Variants in BTBD7 observed in about 807,000 individuals in gnomAD.
BTBD7 encodes BTB/POZ domain-containing protein 7.
A neutral mutation model predicts 99.9 loss-of-function variants in BTBD7; 38 were observed. The observed-to-expected ratio is 0.38, with a 90% CI of 0.29 to 0.50. The LOEUF is 0.50. Ranked by LOEUF, BTBD7 falls within the 20% of genes least tolerant of loss-of-function variation. The pLI is 0.93. For missense variants in BTBD7, 1,170 were observed against 1,394.6 expected, an observed-to-expected ratio of 0.84 and a Z score of 2.57; for synonymous variants, 520 against 511.4, an observed-to-expected ratio of 1.02 and a Z score of -0.23.
At position 93,238,105 on chromosome 14, in the gene BTBD7, T is replaced by C. The variant is rs1046560189; in HGVS notation, c.*4168A>G. 6.6e-6 allele frequency: 1 copy of C among 152,566 alleles called. No individual in the cohort carries two copies. Among genetic ancestry groups the C allele is most frequent in the Admixed American group, 6.5e-5 (1 of 15,278 alleles). The allele number at this position is 152,566 out of a possible 1,614,324, so 9.5% of individuals were successfully genotyped here. On this transcript the variant is annotated 3_prime_UTR_variant, in exon 11 of 11. Coordinates refer to ENST00000334746, the MANE Select transcript of BTBD7 (RefSeq NM_001002860.4). ...TACAGATGATGAAGCTTCCAGAGCT[T>C]ATCTGATCTCTTAGACAGAACTCAC...
intron 1 of BTBD7, among the ~76,000 whole-genome samples, chr14:93,300,742 GTGTGTGTGTGT>G (rs1345406830): frequency 1.2e-5 from 1 of 85,466 alleles, no homozygotes; most frequent in African/African-American, 6.5e-5. Context: ...GTGTGTGTGT[GTGTGTGTGTGT>G]GTGTGTGTGT....
intron 5 of BTBD7, among the ~76,000 whole-genome samples, chr14:93,260,885 A>C (rs2052481487): frequency 6.6e-6 from 1 of 151,926 alleles, no homozygotes; most frequent in African/African-American, 2.4e-5. Flanking sequence ...TAAACAATGA[A>C]TGCTTTTTTA....
chr14:93,253,729 T>C lies in BTBD7; in HGVS notation c.1670A>G (p.Lys557Arg), dbSNP rs1408334219. 6.2e-7 allele frequency: 1 copy of C among 1,613,198 alleles called. No homozygotes were observed. Among genetic ancestry groups the C allele is most frequent in the Non-Finnish European group, 8.5e-7 (1 of 1,179,452 alleles). Residue 557 changes from lysine (K) to arginine (R), a missense_variant, in exon 7 of 11, where the codon AAG (lysine) becomes AGG (arginine). Around this residue, in one of 4 missense-constraint regions of BTBD7, gnomAD observed 309 missense variants for 342.0 expected, o/e 0.90. Transcript: ENST00000334746. ...TTTTTGCCGTAACCAGGCATTTGAC[T>C]TCCCACCTTCTGTTGTAGGAAGCAT... is the stretch of plus-strand genomic sequence containing the variant. ...SDMLPTTEGG[K>R]SNAWLRQKNA...
intron 3 of BTBD7, among the ~76,000 whole-genome samples, chr14:93,287,219 ACT>A (rs1350228328): frequency 1.3e-5 from 2 of 150,752 alleles, no homozygotes; most frequent in Non-Finnish European, 3.0e-5. Context: ...ACAGAGCGAG[ACT>A]CTGTCTCAAA....
intron 3 of BTBD7, among the ~76,000 whole-genome samples, chr14:93,281,194 GT>G (rs2052715644): frequency 6.7e-6 from 1 of 149,882 alleles, no homozygotes; most frequent in African/African-American, 2.5e-5. Flanking sequence ...TAGAGATGGA[GT>G]TTCACCATGT....
chr14:93,296,235 A>G, intron 1 of BTBD7, 78 bp from the exon 2 acceptor site: 1 of 1,079,192 alleles, frequency 9.3e-7, no homozygotes, highest in East Asian at 3.0e-5. Flanking sequence ...AAAGCTACTG[A>G]AAACTGCTTT....
rs564620800 is a variant in BTBD7, at chr14:93,280,849, C to CTTT, written c.1162+13006_1162+13008dup. Among the ~76,000 whole-genome samples the CTTT allele has an allele frequency of 7.8e-5, 11 of 141,810 alleles. No individual in the cohort carries two copies. The South Asian group carries it at 2.3e-3, about 29-fold the overall frequency. The allele number at this position is 141,810 out of a possible 152,430, so 93.0% of individuals were successfully genotyped here. ...GAAGGTATTATTTATAAAAAGGCAC[C>CTTT]TTTTTTTTTTTTTTTGAAACAGATC... On this transcript the variant is annotated intron_variant, in intron 3 of 10. Coordinates refer to ENST00000334746, the MANE Select transcript of BTBD7 (RefSeq NM_001002860.4).
At chr14:93,327,931 A>G (rs2053352466) in intron 1 of BTBD7, among the ~76,000 whole-genome samples, 1 of 152,258 alleles carries the variant, frequency 6.6e-6, no homozygotes, top group South Asian at 2.1e-4. Context: ...GTAAAGTTGT[A>G]GGATACAAAA....
In BTBD7 at chr14:93,296,119, C is replaced by T; in HGVS notation, c.-68G>A. On this transcript the variant is annotated 5_prime_UTR_variant, in exon 2 of 11. Transcript: ENST00000334746. ...GTATAATCCCAGAGGCCTTTATGAA[C>T]CTTCAACCCTGGATCCAGCAGCCTC... is the stretch of plus-strand genomic sequence containing the variant. 4 of 1,520,700 alleles carry T rather than the reference C, an allele frequency of 2.6e-6. No homozygotes were observed. The highest frequency in any genetic ancestry group is 2.4e-5 in the East Asian group (1 of 42,212). The allele number at this position is 1,520,700 out of a possible 1,614,324, so 94.2% of individuals were successfully genotyped here.
chr14:93,267,329 A>G (rs1390964796), intron 3 of BTBD7, among the ~76,000 whole-genome samples: 2 of 152,252 alleles, frequency 1.3e-5, no homozygotes, highest in Non-Finnish European at 2.9e-5. Flanking sequence ...AAATCACTTT[A>G]GGCAAATCAC....
At chr14:93,265,559 C>T (rs147570537) in intron 3 of BTBD7, among the ~76,000 whole-genome samples, 1 of 152,340 alleles carries the variant, frequency 6.6e-6, no homozygotes, top group African/African-American at 2.4e-5. Flanking sequence ...CAGTGGTTAA[C>T]AGAACCATTC....
intron 3 of BTBD7, among the ~76,000 whole-genome samples, chr14:93,281,686 C>T (rs764472248): frequency 2.6e-5 from 4 of 152,038 alleles, no homozygotes; most frequent in Admixed American, 6.6e-5. Flanking sequence ...TAAGATAGCA[C>T]GTTAAATACA....
chr14:93,263,721 A>G (rs2052513158), intron 4 of BTBD7, 64 bp downstream of exon 4: 2 of 1,451,866 alleles, frequency 1.4e-6, no homozygotes, highest in African/African-American at 2.8e-5. Context: ...AGAGTAATAG[A>G]GCATAGATGG....
At position 93,243,069 on chromosome 14, in the gene BTBD7, T is replaced by G; in HGVS notation, c.2603A>C (p.Asn868Thr). 1 of 1,613,788 alleles carries G rather than the reference T, an allele frequency of 6.2e-7. No homozygotes were observed. The highest frequency in any genetic ancestry group is 8.5e-7 in the Non-Finnish European group (1 of 1,179,804). Residue 868 changes from asparagine to threonine, a missense_variant, in exon 11 of 11, where the codon AAT becomes ACT. Transcript: ENST00000334746. ...EKQVRTQPVLNDLMPDIAVGV... is the reference protein window; with the variant it reads ...EKQVRTQPVLTDLMPDIAVGV... The stretch of plus-strand genomic sequence containing the variant: ...CACCGCGATGTCTGGCATCAGATCA[T>G]TCAGCACAGGTTGTGTTCGCTGCAG...
intron 6 of BTBD7, chr14:93,256,965 C>A: frequency 2.1e-6 from 1 of 482,554 alleles, no homozygotes; most frequent in Non-Finnish European, 3.6e-6. Context: ...AATGCTCTTG[C>A]ATGAGTAAGA....
intron 3 of BTBD7, among the ~76,000 whole-genome samples, chr14:93,291,803 G>A (rs200204339): frequency 6.8e-4 from 83 of 122,540 alleles, no homozygotes; most frequent in African/African-American, 2.6e-3. Context: ...AAAAAAAAAA[G>A]AGAAATTAAC....
chr14:93,324,604 G>C (rs796510039), intron 1 of BTBD7, among the ~76,000 whole-genome samples: 2 of 152,098 alleles, frequency 1.3e-5, no homozygotes, highest in Non-Finnish European at 2.9e-5. Context: ...CCATCTTCAG[G>C]AAGTGCTTCA....
chr14:93,249,944 G>A (rs980286501), intron 8 of BTBD7, among the ~76,000 whole-genome samples: 13 of 152,234 alleles, frequency 8.5e-5, no homozygotes, highest in African/African-American at 3.1e-4. Context: ...TTTACTGAGT[G>A]CTTACTTTGT....
intron 3 of BTBD7, among the ~76,000 whole-genome samples, chr14:93,276,019 A>T (rs888269165): frequency 6.6e-6 from 1 of 152,074 alleles, no homozygotes; most frequent in African/African-American, 2.4e-5. Flanking sequence ...GTCCAAGACC[A>T]GCTTGGGCAA....
Sources: allele counts gnomAD v4.1 joint callset (sites outside exome capture counted in the v4.1 genomes callset), GRCh38; gene constraint gnomAD v4.1.1; regional missense constraint gnomAD v4.1.1; transcripts MANE v1.5; gene names NCBI Gene and HGNC (gene_info 2026-07-23, HGNC 2026-07-21).